NEK10: variants seen among roughly 807,000 people sequenced by gnomAD.
NEK10 encodes the protein NIMA related kinase 10, also known as serine/threonine-protein kinase Nek10.
Under a neutral mutation model 159.8 loss-of-function variants are expected in NEK10, and 122 were observed. The ratio of observed to expected loss-of-function variants is 0.76; its 90% CI spans 0.66 to 0.89. The LOEUF (loss-of-function observed/expected upper bound fraction) is 0.89, where lower values mean the gene tolerates loss of function less well. NEK10 is among the 40% of genes least tolerant of loss of function. The pLI, the probability that NEK10 is intolerant of heterozygous loss-of-function variation, is 0.00. For missense variants in NEK10, 1,342 were observed against 1,323.1 expected (o/e 1.01, Z -0.22); for synonymous variants, 466 against 457.1 (o/e 1.02, Z -0.25).
chr3:27,336,009 T>G (rs2046777986), intron 5 of NEK10, among the ~76,000 whole-genome samples: 1 of 151,614 alleles, frequency 6.6e-6, no homozygotes, highest in Admixed American at 6.6e-5. Flanking sequence ...ACAAAAAAGA[T>G]CAGAGCAGAA....
intron 30 of NEK10, among the ~76,000 whole-genome samples, chr3:27,150,061 C>T (rs1318752113): frequency 6.6e-6 from 1 of 152,212 alleles, no homozygotes; most frequent in Non-Finnish European, 1.5e-5. Context: ...GGCCCCAACC[C>T]TCTTCAACTC....
At chr3:27,325,470 C>CT (rs2045940652) in intron 5 of NEK10, among the ~76,000 whole-genome samples, 1 of 152,156 alleles carries the variant, frequency 6.6e-6, no homozygotes, top group African/African-American at 2.4e-5. Context: ...CACTGATCCT[C>CT]TGCCTCTGGG....
chr3:27,301,885 G>A (rs6551192), intron 12 of NEK10, 50 bp from the exon 13 acceptor site: 421,578 of 1,417,474 alleles, frequency 0.3, 71,692 homozygotes, highest in African/African-American at 0.76. Flanking sequence ...TCCCTTCACC[G>A]TCAGTCCTTT....
chr3:27,334,573 C>T (rs2046662678), intron 5 of NEK10, among the ~76,000 whole-genome samples: 1 of 152,200 alleles, frequency 6.6e-6, no homozygotes, highest in Non-Finnish European at 1.5e-5. Context: ...AAACTACACC[C>T]CAGCCTCCAA....
intron 5 of NEK10, among the ~76,000 whole-genome samples, chr3:27,331,378 A>G (rs993082275): frequency 8.5e-5 from 13 of 152,088 alleles, no homozygotes; most frequent in Non-Finnish European, 1.9e-4. Flanking sequence ...AGGCTTTACC[A>G]AGGTGACCAG....
chr3:27,274,915 C>T (rs907257626), intron 22 of NEK10, among the ~76,000 whole-genome samples: 4 of 152,148 alleles, frequency 2.6e-5, no homozygotes, highest in Non-Finnish European at 4.4e-5. Flanking sequence ...AACAACTCAT[C>T]CAGACGACAT....
Position 27,331,237 on chromosome 3 carries a change from C to CAAAAAAAAAAAAAAAA in NEK10, c.363-8977_363-8976insTTTTTTTTTTTTTTTT, listed in dbSNP as rs11351970. ...TGGGTGATAAAGTAAGACTCTGTCT[C>CAAAAAAAAAAAAAAAA]AAAAAAAAAAAAACAAAAAAAAAAA... On this transcript the variant is annotated intron_variant, in intron 5 of 35. Transcript: ENST00000691995. Among the ~76,000 whole-genome samples the CAAAAAAAAAAAAAAAA allele has an allele frequency of 3.3e-3, 97 of 29,550 alleles. 5 individuals are homozygous for CAAAAAAAAAAAAAAAA. Among genetic ancestry groups the CAAAAAAAAAAAAAAAA allele is most frequent in the African/African-American group, 4.8e-3 (82 of 17,182 alleles). The allele number at this position is 29,550 out of a possible 152,430, so 19.4% of individuals were successfully genotyped here.
At position 27,174,445 on chromosome 3, in the gene NEK10, T is replaced by A. The variant is rs1270649248; in HGVS notation, c.2770A>T (p.Thr924Ser). The change falls in exon 28 of 36, where the codon ACA becomes TCA. Residue 924 changes from threonine to serine, a missense_variant. By Grantham distance (58) the Thr-to-Ser change is moderately conservative. Transcript: ENST00000691995. The part of the protein sequence containing the change: ...SSSSSPLKES[T>S]FNILKRSFSA... Reference sequence around the variant, plus strand: ...TTGATAACAGAAAGCTTACTGAATGTAGATTCTTTCAGAGGGCTTGAACTG... The same window carrying A: ...TTGATAACAGAAAGCTTACTGAATGAAGATTCTTTCAGAGGGCTTGAACTG... 1 of 1,610,102 alleles carries A rather than the reference T, an allele frequency of 6.2e-7. No individual in the cohort carries two copies. Among genetic ancestry groups the A allele is most frequent in the East Asian group, 2.2e-5 (1 of 44,872 alleles).
At chr3:27,278,284 G>A (rs925154417) in intron 22 of NEK10, among the ~76,000 whole-genome samples, 1 of 152,184 alleles carries the variant, frequency 6.6e-6, no homozygotes, top group African/African-American at 2.4e-5. Flanking sequence ...CTCTGTAACA[G>A]AATTATAAGC....
intron 23 of NEK10, among the ~76,000 whole-genome samples, chr3:27,235,101 C>T (rs1575386890): frequency 6.6e-6 from 1 of 151,844 alleles, no homozygotes; most frequent in South Asian, 2.1e-4. Context: ...TTATACCACA[C>T]ACAAAAATCA....
intron 22 of NEK10, among the ~76,000 whole-genome samples, chr3:27,265,152 G>A (rs1056437277): frequency 6.6e-6 from 1 of 152,096 alleles, no homozygotes. Context: ...GAAAAACTGA[G>A]TGTTTCCCTT....
chr3:27,301,087 G>T (rs969314090), intron 13 of NEK10, among the ~76,000 whole-genome samples: 1 of 152,076 alleles, frequency 6.6e-6, no homozygotes, highest in Admixed American at 6.6e-5. Flanking sequence ...ACCCAAATTG[G>T]CCAATAGCAC....
chr3:27,357,327 T>G (rs2048387128), intron 1 of NEK10, among the ~76,000 whole-genome samples: 1 of 152,218 alleles, frequency 6.6e-6, no homozygotes, highest in Non-Finnish European at 1.5e-5. Context: ...AAAAAAAACC[T>G]GTGTTATTAC....
At chr3:27,157,724 T>C (rs1945622072) in intron 30 of NEK10, among the ~76,000 whole-genome samples, 1 of 152,190 alleles carries the variant, frequency 6.6e-6, no homozygotes, top group African/African-American at 2.4e-5. Context: ...GTGAGTAAGA[T>C]GCTATCAAAC....
At position 27,165,839 on chromosome 3, in the gene NEK10, G is replaced by A. The variant is rs75659454; in HGVS notation, c.2832-3101C>T. Among the ~76,000 whole-genome samples the A allele has an allele frequency of 4.6e-5, 7 of 152,276 alleles. No individual in the cohort carries two copies. The South Asian group carries it at 1.2e-3, about 27-fold the overall frequency. ...TTTCGCTGAATTAAGTCAAGAGCAC[G>A]GTGAATTATTTGGATAATAATTTTG... is the stretch of plus-strand genomic sequence containing the variant. On this transcript the variant is annotated intron_variant, in intron 29 of 35. Coordinates refer to ENST00000691995, the MANE Select transcript of NEK10 (RefSeq NM_001394966.1).
At chr3:27,256,978 C>G (rs1408017168) in intron 22 of NEK10, among the ~76,000 whole-genome samples, 1 of 141,052 alleles carries the variant, frequency 7.1e-6, no homozygotes, top group Non-Finnish European at 1.5e-5. Context: ...TGCAGTGGTG[C>G]GATCTCGGCT....
chr3:27,348,713 C>T (rs1238934322), intron 3 of NEK10, among the ~76,000 whole-genome samples: 7 of 152,108 alleles, frequency 4.6e-5, no homozygotes, highest in African/African-American at 1.7e-4. Context: ...GCTTACCTCT[C>T]TTTCAAAACT....
At chr3:27,355,108 T>G (rs895755204) in intron 1 of NEK10, among the ~76,000 whole-genome samples, 2 of 152,184 alleles carry the variant, frequency 1.3e-5, no homozygotes, top group Non-Finnish European at 2.9e-5. Context: ...GTAAAGGATC[T>G]TTGCTATGGA....
chr3:27,162,388 C>T, intron 30 of NEK10: 2 of 1,568,444 alleles, frequency 1.3e-6, no homozygotes, highest in Non-Finnish European at 1.7e-6. Flanking sequence ...ATCGTTCAGA[C>T]ATCTCAGGCC....
Sources: allele counts gnomAD v4.1 joint callset (sites outside exome capture counted in the v4.1 genomes callset), GRCh38; gene constraint gnomAD v4.1.1; transcripts MANE v1.5; gene names NCBI Gene and HGNC (gene_info 2026-07-23, HGNC 2026-07-21).